Variants in ITPRID2 observed in about 807,000 individuals in gnomAD.
ITPRID2 encodes ITPR interacting domain containing 2, also known as protein ITPRID2.
ITPRID2 carries 60 observed loss-of-function variants against 124.3 expected under a neutral mutation model. The observed-to-expected ratio is 0.48, with a 90% CI of 0.39 to 0.60. The LOEUF is 0.60. Among genes scored for constraint, ITPRID2 ranks in the 20% least tolerant of loss-of-function variants. The pLI, the probability that ITPRID2 is intolerant of heterozygous loss-of-function variation, is 0.00. For missense variants in ITPRID2, 1,553 were observed against 1,512.2 expected, an observed-to-expected ratio of 1.03 and a Z score of -0.45; for synonymous variants, 521 against 542.9, an observed-to-expected ratio of 0.96 and a Z score of 0.56.
At chr2:181,901,523 A>G (rs906550259) in intron 7 of ITPRID2, among the ~76,000 whole-genome samples, 3 of 152,194 alleles carry the variant, frequency 2.0e-5, no homozygotes, top group African/African-American at 7.2e-5. Flanking sequence ...TGTTGCCATT[A>G]TGCTTTGTGC....
chr2:181,919,069 T>C lies in ITPRID2; in HGVS notation c.2993+187T>C, dbSNP rs1271780052. Reference sequence around the variant, plus strand: ...GTAAACTTGTATGCCTTCAATATCCTAAGGGTAGTGGTAACCTGCTTTCCC... The same window carrying C: ...GTAAACTTGTATGCCTTCAATATCCCAAGGGTAGTGGTAACCTGCTTTCCC... On this transcript the variant is annotated intron_variant, in intron 13 of 17. Transcript: ENST00000431877. This position sits in a 1 kb window ranked among gnomAD's most constrained non-coding sequence, Gnocchi z 4.2. Among the ~76,000 whole-genome samples the C allele has an allele frequency of 6.6e-6, 1 of 152,220 alleles. No homozygotes were observed. Among genetic ancestry groups the C allele is most frequent in the Non-Finnish European group, 1.5e-5 (1 of 68,030 alleles).
intron 15 of ITPRID2, among the ~76,000 whole-genome samples, chr2:181,921,242 C>T (rs930595314): frequency 2.6e-5 from 4 of 151,884 alleles, no homozygotes; most frequent in Non-Finnish European, 4.4e-5. Context: ...TTTTGGGAGG[C>T]TGAGGCAAGT....
At chr2:181,898,322 C>T (rs1692378723) in intron 4 of ITPRID2, among the ~76,000 whole-genome samples, 1 of 151,858 alleles carries the variant, frequency 6.6e-6, no homozygotes, top group Admixed American at 6.6e-5. Flanking sequence ...CTGTTTAGAA[C>T]TTTAAGCTAA....
intron 17 of ITPRID2, 94 bp from the exon 18 acceptor site, chr2:181,929,467 T>G: frequency 1.3e-6 from 1 of 746,166 alleles, no homozygotes; most frequent in Admixed American, 2.2e-5. Flanking sequence ...TCTGTGTATA[T>G]ATATTTGCAT....
At chr2:181,912,150 G>C (rs758692084) in intron 9 of ITPRID2, among the ~76,000 whole-genome samples, 15 of 152,186 alleles carry the variant, frequency 9.9e-5, no homozygotes, top group Non-Finnish European at 2.1e-4. Flanking sequence ...TTATTCTTTT[G>C]TTGCTTTAAG....
At chr2:181,923,061 C>G (rs757761785) in intron 16 of ITPRID2, among the ~76,000 whole-genome samples, 1 of 152,010 alleles carries the variant, frequency 6.6e-6, no homozygotes, top group Non-Finnish European at 1.5e-5. Flanking sequence ...AGGGTTTGCC[C>G]TAGGTGATAG....
In ITPRID2 at chr2:181,928,275, A is replaced by G; in HGVS notation, c.*10A>G. ...GCAAGATTATCATTAAACAGAAATTATAGGTAAATTTTTCTGAGTTTCTTT... is the reference window on the plus strand; with the variant it reads ...GCAAGATTATCATTAAACAGAAATTGTAGGTAAATTTTTCTGAGTTTCTTT... On this transcript the variant is annotated 3_prime_UTR_variant, in exon 17 of 18. Coordinates refer to ENST00000431877, the MANE Select transcript of ITPRID2 (RefSeq NM_001130445.3). 1.3e-6 allele frequency: 2 copies of G among 1,507,462 alleles called. No homozygotes were observed. Among genetic ancestry groups the G allele is most frequent in the Non-Finnish European group, 1.8e-6 (2 of 1,120,974 alleles). The allele number at this position is 1,507,462 out of a possible 1,614,324, so 93.4% of individuals were successfully genotyped here.
At chr2:181,908,881 C>G (rs1223863631) in intron 8 of ITPRID2, among the ~76,000 whole-genome samples, 1 of 151,790 alleles carries the variant, frequency 6.6e-6, no homozygotes, top group African/African-American at 2.4e-5. Context: ...GGTTGAAAAC[C>G]CATATGTTCA....
chr2:181,916,347 G>A lies in ITPRID2; in HGVS notation c.2707G>A (p.Val903Met), dbSNP rs767521620. Residue 903 changes from valine to methionine, a missense_variant, in exon 11 of 18, where the codon GTG becomes ATG. By Grantham distance (21) the Val-to-Met change is conservative. Transcript: ENST00000431877. ...HATYPYRVCSVNPPSAIEMQL... is the reference protein window; with the variant it reads ...HATYPYRVCSMNPPSAIEMQL... ...CACCTACCCTTACCGAGTGTGCTCTGTGAATCCTCCTTCAGCCATAGAAAT... is the reference window on the plus strand; with the variant it reads ...CACCTACCCTTACCGAGTGTGCTCTATGAATCCTCCTTCAGCCATAGAAAT... The A allele has an allele frequency of 6.2e-6, 10 of 1,614,210 alleles. No individual in the cohort carries two copies. The highest frequency in any genetic ancestry group is 7.6e-6 in the Non-Finnish European group (9 of 1,180,036).
rs1171626754 is a variant in ITPRID2 at position 181,901,839 on chromosome 2, G to T, written c.786G>T (p.Gly262=). ...CTTCTTTATATTCTCAAGTCTCCGGGACGCCCCTGCAGAGAATTGGAAGTA... is the reference window on the plus strand; with the variant it reads ...CTTCTTTATATTCTCAAGTCTCCGGTACGCCCCTGCAGAGAATTGGAAGTA... ...AFSSLYSQVS[G]TPLQRIGSMS... The change falls in exon 8 of 18, where the codon GGG becomes GGT. Residue 262 remains glycine, a synonymous_variant. Coordinates refer to ENST00000431877, the MANE Select transcript of ITPRID2 (RefSeq NM_001130445.3). The T allele has an allele frequency of 6.2e-7, 1 of 1,613,786 alleles. No homozygotes were observed. The highest frequency in any genetic ancestry group is 1.3e-5 in the African/African-American group (1 of 74,988).
chr2:181,918,496 G>T, intron 11 of ITPRID2, 102 bp from the exon 12 acceptor site: 2 of 1,525,292 alleles, frequency 1.3e-6, no homozygotes, highest in Non-Finnish European at 1.7e-6. Context: ...TTGTCTTAAA[G>T]AGAAAAATAT....
In ITPRID2 at chr2:181,910,058, G is replaced by A. The variant is rs1048174533; in HGVS notation, c.1486+87G>A. 3.1e-6 allele frequency: 3 copies of A among 964,904 alleles called. No individual in the cohort carries two copies. The highest frequency in any genetic ancestry group is 2.3e-5 in the Admixed American group (1 of 43,102). 59.8% of individuals were successfully genotyped at this position (964,904 alleles called of 1,614,324 possible). On this transcript the variant is annotated intron_variant, in intron 9 of 17. Coordinates refer to ENST00000431877, the MANE Select transcript of ITPRID2 (RefSeq NM_001130445.3). This position sits in a 1 kb window ranked among gnomAD's most constrained non-coding sequence, Gnocchi z 4.1. The stretch of plus-strand genomic sequence containing the variant: ...GGGGTTTTATGTATCAGTATTTGTA[G>A]TATTTATGAGTGTGAAAAGGCAAAG...
chr2:181,912,721 A>G (rs892374795), intron 9 of ITPRID2, among the ~76,000 whole-genome samples: 5 of 152,186 alleles, frequency 3.3e-5, no homozygotes, highest in Non-Finnish European at 5.9e-5. Context: ...TTCTGCCTTG[A>G]TGAATGTAAG....
chr2:181,916,604 A>G, intron 11 of ITPRID2, 177 bp downstream of exon 11: 1 of 875,506 alleles, frequency 1.1e-6, no homozygotes, highest in Non-Finnish European at 1.7e-6. Context: ...TTCAAGGGAG[A>G]AGCTGTAACT....
rs1693550985 is a variant in ITPRID2, at chr2:181,910,839, C to A, written c.1486+868C>A. ...AACAAGAGCTTCACTCTCACTCGGT[C>A]ACTGCAGCTCTGGTTAGACTCAAAA... On this transcript the variant is annotated intron_variant, in intron 9 of 17. Transcript: ENST00000431877. The surrounding 1 kb of genome is among the most constrained non-coding windows in gnomAD (Gnocchi z 4.1). 2.0e-5 allele frequency among the ~76,000 whole-genome samples: 3 copies of A among 152,230 alleles called. No homozygotes were observed. In the South Asian group the frequency reaches 6.2e-4, roughly 32 times the overall value.
At chr2:181,906,204 C>A (rs947182893) in intron 8 of ITPRID2, among the ~76,000 whole-genome samples, 11 of 152,138 alleles carry the variant, frequency 7.2e-5, no homozygotes, top group Non-Finnish European at 1.2e-4. Flanking sequence ...TCCCCTCCCT[C>A]ATTTGATATT....
At position 181,917,003 on chromosome 2, in the gene ITPRID2, C is replaced by G. The variant is rs1423056995; in HGVS notation, c.2787+576C>G. On this transcript the variant is annotated intron_variant, in intron 11 of 17. Transcript: ENST00000431877. ...TACTCCAGACCAGAAAATAACAAATCAGGTAAAGTGTGAATTTGATTTAAA... is the reference window on the plus strand; with the variant it reads ...TACTCCAGACCAGAAAATAACAAATGAGGTAAAGTGTGAATTTGATTTAAA... 3 of 985,430 alleles carry G rather than the reference C, an allele frequency of 3.0e-6. No individual in the cohort carries two copies. In the African/African-American group the frequency reaches 5.2e-5, roughly 17 times the overall value. 61.0% of individuals were successfully genotyped at this position (985,430 alleles called of 1,614,324 possible). A position where few individuals can be genotyped will look rare whatever the true frequency, so the allele number is the denominator to read the frequency against.
intron 9 of ITPRID2, among the ~76,000 whole-genome samples, chr2:181,911,496 C>G (rs1015817348): frequency 1.3e-5 from 2 of 152,098 alleles, no homozygotes; most frequent in African/African-American, 4.8e-5. Context: ...ACAATATTTT[C>G]TTTAGTCTAG....
chr2:181,924,802 A>G (rs1409285362), intron 16 of ITPRID2, among the ~76,000 whole-genome samples: 1 of 152,248 alleles, frequency 6.6e-6, no homozygotes, highest in Non-Finnish European at 1.5e-5. Flanking sequence ...AACTTTTGTC[A>G]TATTAAAGAT....
Sources: allele counts gnomAD v4.1 joint callset (sites outside exome capture counted in the v4.1 genomes callset), GRCh38; gene constraint gnomAD v4.1.1; non-coding constraint Gnocchi (gnomAD v3.1); transcripts MANE v1.5; gene names NCBI Gene and HGNC (gene_info 2026-07-23, HGNC 2026-07-21).